The following PADI2 variants were observed in gnomAD, a reference collection of about 807,000 sequenced individuals.
The protein encoded by PADI2 is peptidyl arginine deiminase 2, also known as protein-arginine deiminase type-2.
Under a neutral mutation model 81.1 loss-of-function variants are expected in PADI2, and 70 were observed. That is an observed-to-expected ratio of 0.86 (90% CI 0.71 to 1.05). The LOEUF (loss-of-function observed/expected upper bound fraction) is 1.05. PADI2 is among the 50% of genes least tolerant of loss of function. The pLI, the probability that PADI2 is intolerant of heterozygous loss-of-function variation, is 0.00. For synonymous variants in PADI2, 338 were observed against 358.0 expected (o/e 0.94, Z 0.63); for missense variants, 853 against 889.9 (o/e 0.96, Z 0.53).
In PADI2 at chr1:17,105,055, G is replaced by T. The variant is rs1301976797; in HGVS notation, c.99C>A (p.Ala33=). Reference sequence around the variant, plus strand: ...GGCTGAAGGTTTGGGCCCCGGCTGGGGCCGCGCTGTGGGGAGAGATGAGAG... The same window carrying T: ...GGCTGAAGGTTTGGGCCCCGGCTGGTGCCGCGCTGTGGGGAGAGATGAGAG... The part of the protein sequence containing the change: ...TYLWTDVYSA[A]PAGAQTFSLK... Residue 33 remains alanine, a synonymous_variant, in exon 2 of 16, where the codon GCC becomes GCA. Transcript: ENST00000375486. 8 of 1,573,180 alleles carry T rather than the reference G, an allele frequency of 5.1e-6. No individual in the cohort carries two copies. The East Asian group carries it at 1.4e-4, about 27-fold the overall frequency.
Position 17,115,482 on chromosome 1 carries a change from G to T in PADI2, c.92+3798C>A, listed in dbSNP as rs1931724319. Among the ~76,000 whole-genome samples, 1 of 152,266 alleles carries T rather than the reference G, an allele frequency of 6.6e-6. No homozygotes were observed. Among genetic ancestry groups the T allele is most frequent in the Non-Finnish European group, 1.5e-5 (1 of 68,048 alleles). ...AGAGGCATAAGCCGAGGGAGGAACA[G>T]AAGAAGCCATTCCCAAGGCCCAGCT... On this transcript the variant is annotated intron_variant, in intron 1 of 15. Transcript: ENST00000375486. This position sits in a 1 kb window ranked among gnomAD's most constrained non-coding sequence, Gnocchi z 4.1.
chr1:17,091,880 G>A (rs939857641), intron 6 of PADI2, among the ~76,000 whole-genome samples: 1 of 152,178 alleles, frequency 6.6e-6, no homozygotes, highest in Non-Finnish European at 1.5e-5. Context: ...GCACCAAAGG[G>A]CTCAACACAT....
intron 6 of PADI2, among the ~76,000 whole-genome samples, chr1:17,087,841 G>C (rs1047167276): frequency 6.6e-6 from 1 of 152,208 alleles, no homozygotes. Flanking sequence ...TGACCTGTGC[G>C]AGGGTAGAGA....
At chr1:17,095,258 G>T (rs1376494672) in intron 4 of PADI2, among the ~76,000 whole-genome samples, 1 of 152,166 alleles carries the variant, frequency 6.6e-6, no homozygotes, top group Admixed American at 6.5e-5. Context: ...ATGTGATGGA[G>T]AACACCATGC....
At chr1:17,107,949 C>A (rs1402210010) in intron 1 of PADI2, among the ~76,000 whole-genome samples, 1 of 140,168 alleles carries the variant, frequency 7.1e-6, no homozygotes, top group African/African-American at 2.6e-5. Context: ...GCATCCATCA[C>A]TTTTTTTTTT....
intron 4 of PADI2, among the ~76,000 whole-genome samples, chr1:17,095,305 C>T (rs1930874223): frequency 6.6e-6 from 1 of 152,196 alleles, no homozygotes; most frequent in South Asian, 2.1e-4. Flanking sequence ...ACACCAACCA[C>T]ACCACATGCC....
At chr1:17,072,537 G>C (rs974810700) in intron 13 of PADI2, among the ~76,000 whole-genome samples, 1 of 152,128 alleles carries the variant, frequency 6.6e-6, no homozygotes, top group African/African-American at 2.4e-5. Flanking sequence ...TGGCTCTTTG[G>C]CATTGCCTGG....
intron 1 of PADI2, among the ~76,000 whole-genome samples, chr1:17,111,105 T>G (rs866086157): frequency 1.3e-3 from 185 of 147,620 alleles, no homozygotes; most frequent in African/African-American, 4.4e-3. Context: ...TTTTTTTTTT[T>G]GGGACGGAGT....
chr1:17,089,915 A>G (rs1229655166), intron 6 of PADI2, among the ~76,000 whole-genome samples: 1 of 152,086 alleles, frequency 6.6e-6, no homozygotes, highest in Non-Finnish European at 1.5e-5. Flanking sequence ...TCCACTTCCC[A>G]GCGAGACTCC....
rs576952514 is a variant in PADI2 at position 17,080,021 on chromosome 1, C to A, written c.1159-606G>T. On this transcript the variant is annotated intron_variant, in intron 10 of 15. Transcript: ENST00000375486. Reference sequence around the variant, plus strand: ...GCCCAGGCTGGTCTCGAACTCCTGACCTCAAGTGATCCACCCACCTTGGCC... The same window carrying A: ...GCCCAGGCTGGTCTCGAACTCCTGAACTCAAGTGATCCACCCACCTTGGCC... Among the ~76,000 whole-genome samples the A allele has an allele frequency of 6.6e-5, 10 of 152,170 alleles. No individual in the cohort carries two copies. The East Asian group carries it at 1.2e-3, about 18-fold the overall frequency.
chr1:17,075,910 C>T (rs541902479), intron 11 of PADI2, 87 bp from the exon 12 acceptor site: 63 of 1,323,080 alleles, frequency 4.8e-5, no homozygotes, highest in African/African-American at 3.8e-4. Context: ...GGACCCACCT[C>T]GGACCCAGAG....
chr1:17,100,700 C>T (rs1459672737), intron 3 of PADI2, among the ~76,000 whole-genome samples: 2 of 144,156 alleles, frequency 1.4e-5, no homozygotes, highest in Non-Finnish European at 3.0e-5. Flanking sequence ...CTCGCTCTGT[C>T]GCCCAGGCTG....
At chr1:17,093,241 G>A (rs530378952) in intron 5 of PADI2, among the ~76,000 whole-genome samples, 5 of 151,936 alleles carry the variant, frequency 3.3e-5, no homozygotes, top group African/African-American at 9.7e-5. Context: ...GATTACAGGT[G>A]CATGCCACCA....
At chr1:17,106,536 G>A (rs752996942) in intron 1 of PADI2, among the ~76,000 whole-genome samples, 2 of 151,476 alleles carry the variant, frequency 1.3e-5, no homozygotes, top group Non-Finnish European at 2.9e-5. Flanking sequence ...TCTGCCTCCC[G>A]GGTTCAAGCT....
chr1:17,095,680 C>T (rs1004849243), intron 4 of PADI2, among the ~76,000 whole-genome samples: 18 of 152,130 alleles, frequency 1.2e-4, no homozygotes, highest in Admixed American at 5.9e-4. Context: ...ATGAATTGGG[C>T]GTCCCCATCA....
chr1:17,114,257 C>T (rs1931682027), intron 1 of PADI2, among the ~76,000 whole-genome samples: 1 of 152,244 alleles, frequency 6.6e-6, no homozygotes, highest in Admixed American at 6.5e-5. Context: ...GGCCAGTCCA[C>T]AGGCATCACA....
At chr1:17,112,944 T>G (rs1163931142) in intron 1 of PADI2, among the ~76,000 whole-genome samples, 1 of 152,228 alleles carries the variant, frequency 6.6e-6, no homozygotes, top group Non-Finnish European at 1.5e-5. Flanking sequence ...TGTCTCTGTG[T>G]GCCCCAACTT....
intron 1 of PADI2, among the ~76,000 whole-genome samples, chr1:17,111,968 G>T (rs115621730): frequency 0.017 from 2,602 of 152,216 alleles, 66 homozygotes; most frequent in African/African-American, 0.058. Flanking sequence ...TTAGATAATG[G>T]TGAGGAGCTG....
At chr1:17,083,044 AT>A (rs11368051) in intron 9 of PADI2, 154,265 of 158,356 alleles carry the variant, frequency 0.97, 75,155 homozygotes, top group East Asian at 1. Context: ...TAATTTTTAA[AT>A]TTTTTTTTGT....
Sources: gnomAD v4.1 joint callset for allele counts (sites outside exome capture counted in the v4.1 genomes callset) on GRCh38, gnomAD v4.1.1 for gene constraint, Gnocchi (gnomAD v3.1) non-coding constraint, MANE v1.5 for transcripts, NCBI Gene and HGNC (gene_info 2026-07-23, HGNC 2026-07-21) for gene names.